The following RBFOX1 variants were observed in gnomAD, a reference collection of about 807,000 sequenced individuals.
RBFOX1 encodes the protein RNA binding protein fox-1 homolog 1.
RBFOX1 carries 8 observed loss-of-function variants against 57.7 expected under a neutral mutation model. The observed-to-expected ratio is 0.14, with a 90% CI of 0.08 to 0.25. The LOEUF is 0.25. Ranked by LOEUF, RBFOX1 falls within the 10% of genes least tolerant of loss-of-function variation. The pLI is 1.00. For missense variants in RBFOX1, 611 were observed against 548.5 expected, an observed-to-expected ratio of 1.11 and a Z score of -1.14; for synonymous variants, 326 against 222.4, an observed-to-expected ratio of 1.47 and a Z score of -4.15.
chr16:7,140,812 G>T (rs938329157), intron 4 of RBFOX1, among the ~76,000 whole-genome samples: 1 of 151,980 alleles, frequency 6.6e-6, no homozygotes, highest in Non-Finnish European at 1.5e-5. Flanking sequence ...TGCTCATAAT[G>T]GATTTCAAAG....
intron 2 of RBFOX1, among the ~76,000 whole-genome samples, chr16:5,553,225 T>G (rs1189606882): frequency 6.6e-6 from 1 of 152,052 alleles, no homozygotes; most frequent in Non-Finnish European, 1.5e-5. Flanking sequence ...GGCACATATA[T>G]ACCTATGTAT....
chr16:6,559,721 G>A (rs1567682246), intron 2 of RBFOX1, among the ~76,000 whole-genome samples: 1 of 151,960 alleles, frequency 6.6e-6, no homozygotes, highest in East Asian at 1.9e-4. Context: ...TAATCTGTGT[G>A]TGTCTATATA....
chr16:6,859,117 A>ATATATATATATATATATATATATATG (rs2058436500), intron 3 of RBFOX1, among the ~76,000 whole-genome samples: 17 of 67,588 alleles, frequency 2.5e-4, no homozygotes, highest in African/African-American at 1.7e-3. Flanking sequence ...AAGTGTATAT[A>ATATATATATATATATATATATATATG]TATATATATA....
intron 2 of RBFOX1, among the ~76,000 whole-genome samples, chr16:6,479,418 T>A (rs1183869690): frequency 1.3e-5 from 2 of 151,898 alleles, no homozygotes; most frequent in Non-Finnish European, 2.9e-5. Flanking sequence ...TGAAACCCTG[T>A]CTCTACTAAA....
chr16:7,069,005 A>T (rs1161763751), intron 4 of RBFOX1, among the ~76,000 whole-genome samples: 2 of 152,206 alleles, frequency 1.3e-5, no homozygotes, highest in East Asian at 1.9e-4. Flanking sequence ...TGTATGTGTC[A>T]CTTAAGTGCT....
At chr16:6,686,433 C>A (rs145648334) in intron 3 of RBFOX1, among the ~76,000 whole-genome samples, 4 of 152,276 alleles carry the variant, frequency 2.6e-5, no homozygotes, top group Non-Finnish European at 5.9e-5. Context: ...GCGCAGGCCT[C>A]CGTTGTACTC....
At chr16:6,981,737 C>T (rs1237484862) in intron 3 of RBFOX1, among the ~76,000 whole-genome samples, 6 of 152,070 alleles carry the variant, frequency 3.9e-5, no homozygotes, top group African/African-American at 7.2e-5. Context: ...CATGAAAGAC[C>T]AGCCCTCATG....
At chr16:7,600,587 A>G (rs1006236328) in intron 9 of RBFOX1, among the ~76,000 whole-genome samples, 1 of 152,220 alleles carries the variant, frequency 6.6e-6, no homozygotes, top group African/African-American at 2.4e-5. Flanking sequence ...TACATAATTC[A>G]TTCTCACAAA....
At chr16:6,398,020 C>T (rs1414653378) in intron 2 of RBFOX1, among the ~76,000 whole-genome samples, 5 of 152,108 alleles carry the variant, frequency 3.3e-5, no homozygotes, top group African/African-American at 4.8e-5. Context: ...AAAGAGCAAA[C>T]CATAAACATA....
At chr16:7,650,439 TG>T (rs2064793686) in intron 11 of RBFOX1, among the ~76,000 whole-genome samples, 2 of 152,220 alleles carry the variant, frequency 1.3e-5, no homozygotes, top group African/African-American at 4.8e-5. Flanking sequence ...GTGCCCTGCT[TG>T]GGAGAGCCCA....
chr16:5,670,181 G>A (rs915302251), intron 3 of RBFOX1, among the ~76,000 whole-genome samples: 4 of 152,126 alleles, frequency 2.6e-5, no homozygotes, highest in African/African-American at 9.7e-5. Context: ...GGGGGCTGGG[G>A]GAGGGGTTTT....
In RBFOX1 at chr16:7,487,586, C is replaced by G. The variant is rs367846913; in HGVS notation, c.28-30561C>G. ...AATTCTCATCTGCCATCTCTCTTCC[C>G]ATGCATGAAGATAAGCAGTAGACTA... On this transcript the variant is annotated intron_variant, in intron 4 of 15. Transcript: ENST00000550418. Among the ~76,000 whole-genome samples, 9 of 152,290 alleles carry G rather than the reference C, an allele frequency of 5.9e-5. No individual in the cohort carries two copies. The East Asian group carries it at 1.7e-3, about 29-fold the overall frequency.
intron 3 of RBFOX1, among the ~76,000 whole-genome samples, chr16:6,883,306 G>C (rs1056026436): frequency 5.3e-5 from 8 of 152,010 alleles, no homozygotes; most frequent in African/African-American, 1.9e-4. Context: ...CTTTTTGTTG[G>C]AGCCCCTGGG....
At chr16:6,594,501 T>A (rs1169932614) in intron 2 of RBFOX1, among the ~76,000 whole-genome samples, 1 of 152,094 alleles carries the variant, frequency 6.6e-6, no homozygotes, top group Non-Finnish European at 1.5e-5. Context: ...CTCTCACAGA[T>A]TGTTGACATG....
At chr16:6,640,237 C>T (rs2110341) in intron 2 of RBFOX1, among the ~76,000 whole-genome samples, 128,426 of 152,190 alleles carry the variant, frequency 0.84, 55,213 homozygotes, top group Middle Eastern at 0.98. Flanking sequence ...GTTTCAGATA[C>T]GCCTTTTGCC....
chr16:6,341,605 A>G (rs980139346), intron 2 of RBFOX1, among the ~76,000 whole-genome samples: 2 of 152,166 alleles, frequency 1.3e-5, no homozygotes, highest in African/African-American at 2.4e-5. Flanking sequence ...AAGAAAATTA[A>G]TCCTTTATCA....
chr16:6,556,735 T>C (rs1260113003), intron 2 of RBFOX1, among the ~76,000 whole-genome samples: 1 of 152,098 alleles, frequency 6.6e-6, no homozygotes, highest in Non-Finnish European at 1.5e-5. Flanking sequence ...AAATTTGCAT[T>C]TAAAAGAAAA....
intron 2 of RBFOX1, among the ~76,000 whole-genome samples, chr16:6,604,664 G>C (rs1444759325): frequency 6.6e-6 from 1 of 152,126 alleles, no homozygotes; most frequent in Non-Finnish European, 1.5e-5. Context: ...TTCTACTTTT[G>C]TGCATATTGA....
intron 3 of RBFOX1, among the ~76,000 whole-genome samples, chr16:5,680,214 C>A (rs1024225836): frequency 2.0e-5 from 3 of 152,238 alleles, no homozygotes; most frequent in East Asian, 1.9e-4. Flanking sequence ...CACCATGAAA[C>A]CTTTCACGAT....
Sources: gnomAD v4.1 joint callset for allele counts (sites outside exome capture counted in the v4.1 genomes callset) on GRCh38, gnomAD v4.1.1 for gene constraint, MANE v1.5 for transcripts, NCBI Gene and HGNC (gene_info 2026-07-23, HGNC 2026-07-21) for gene names.